The following ABHD2 variants were observed in gnomAD, a reference collection of about 807,000 sequenced individuals.
ABHD2 encodes monoacylglycerol lipase ABHD2.
In ABHD2, 20 loss-of-function variants were observed where a neutral mutation model predicts 48.1. That is an observed-to-expected ratio of 0.42 (90% CI 0.29 to 0.60). The LOEUF is 0.60. Among genes scored for constraint, ABHD2 ranks in the 20% least tolerant of loss-of-function variants. ABHD2 has a pLI of 0.24. For synonymous variants in ABHD2, 209 were observed against 214.2 expected, an observed-to-expected ratio of 0.98 and a Z score of 0.21; for missense variants, 405 against 550.9, an observed-to-expected ratio of 0.74 and a Z score of 2.65.
At chr15:89,126,014 A>T (rs28417912) in intron 3 of ABHD2, among the ~76,000 whole-genome samples, 5,545 of 152,282 alleles carry the variant, frequency 0.036, 339 homozygotes, top group African/African-American at 0.13. Context: ...CTCATCCTTT[A>T]TGTGCCGAGC....
chr15:89,096,510 A>C (rs778226576), intron 1 of ABHD2, among the ~76,000 whole-genome samples: 46 of 152,240 alleles, frequency 3.0e-4, no homozygotes, highest in Admixed American at 2.6e-4. Flanking sequence ...TGAGTTTGAA[A>C]GACCCCAGTG....
At position 89,151,728 on chromosome 15, in the gene ABHD2, G is replaced by C; in HGVS notation, c.246G>C (p.Leu82Phe). ...AAAGTGGACACATCCAGACAGCCTTGTATGGGAAGATGGGAAGGGTGAGGT... is the reference window on the plus strand; with the variant it reads ...AAAGTGGACACATCCAGACAGCCTTCTATGGGAAGATGGGAAGGGTGAGGT... ...WGKSGHIQTA[L>F]YGKMGRVRSP... Residue 82 changes from leucine (L) to phenylalanine (F), a missense_variant, in exon 4 of 11, where the codon TTG becomes TTC. Coordinates refer to ENST00000352732, the MANE Select transcript of ABHD2 (RefSeq NM_152924.5). This position sits in a 1 kb window ranked among gnomAD's most constrained non-coding sequence, Gnocchi z 4.7. The C allele has an allele frequency of 1.2e-6, 2 of 1,614,228 alleles. No homozygotes were observed. Among genetic ancestry groups the C allele is most frequent in the Non-Finnish European group, 1.7e-6 (2 of 1,180,038 alleles).
At chr15:89,183,577 G>T (rs1171471624) in intron 6 of ABHD2, among the ~76,000 whole-genome samples, 2 of 151,616 alleles carry the variant, frequency 1.3e-5, no homozygotes, top group African/African-American at 2.4e-5. Flanking sequence ...ATAAACAGTG[G>T]AATACTGGTC....
intron 5 of ABHD2, among the ~76,000 whole-genome samples, chr15:89,157,535 C>T (rs1371524158): frequency 6.6e-6 from 1 of 152,144 alleles, no homozygotes; most frequent in East Asian, 1.9e-4. Flanking sequence ...GCAGTTTGGT[C>T]AGTAGCTTGA....
At chr15:89,049,928 T>G in the ABHD2 span, among the ~76,000 whole-genome samples, 14 of 152,174 alleles carry the variant, frequency 9.2e-5, no homozygotes, top group South Asian at 2.1e-4. Flanking sequence ...TATTTTTCTC[T>G]TTTCTATTCC....
At chr15:89,161,879 T>C (rs1268325524) in intron 5 of ABHD2, among the ~76,000 whole-genome samples, 1 of 152,222 alleles carries the variant, frequency 6.6e-6, no homozygotes, top group Non-Finnish European at 1.5e-5. Flanking sequence ...TTCTCACCGT[T>C]CTGGGGCCTA....
intron 5 of ABHD2, among the ~76,000 whole-genome samples, chr15:89,162,058 G>A (rs1200849576): frequency 6.6e-6 from 1 of 151,862 alleles, no homozygotes; most frequent in Admixed American, 6.6e-5. Flanking sequence ...CCTGAATTAG[G>A]GCCCACCCTA....
chr15:89,133,834 ATTTTTTT>A (rs71464448), intron 3 of ABHD2, among the ~76,000 whole-genome samples: 4,399 of 123,796 alleles, frequency 0.036, 243 homozygotes, highest in African/African-American at 0.13. Context: ...GCCATGCATA[ATTTTTTT>A]TTTTTTTTTT....
rs77562565 is a variant in ABHD2 at position 89,163,332 on chromosome 15, A to T, written c.538+7798A>T. On this transcript the variant is annotated intron_variant, in intron 5 of 10. Coordinates refer to ENST00000352732, the MANE Select transcript of ABHD2 (RefSeq NM_152924.5). ...ACAGAATTTCCTAAATGGATAATTA[A>T]GCATTCTTGTGACTTAGAACCCTTC... 3.1e-3 allele frequency among the ~76,000 whole-genome samples: 474 copies of T among 152,364 alleles called. 2 individuals carry two copies. The highest frequency in any genetic ancestry group is 0.011 in the African/African-American group (449 of 41,592).
In ABHD2 at chr15:89,164,604, A is replaced by G. The variant is rs2050809901; in HGVS notation, c.538+9070A>G. On this transcript the variant is annotated intron_variant, in intron 5 of 10. Transcript: ENST00000352732. This position sits in a 1 kb window ranked among gnomAD's most constrained non-coding sequence, Gnocchi z 5.0. ...GAGTTTGAGACCAGCCTGATAGAAC[A>G]TGGTGAAACCTCATCTCTACTAAAA... 6.6e-6 allele frequency among the ~76,000 whole-genome samples: 1 copy of G among 152,104 alleles called. No individual in the cohort carries two copies. Among genetic ancestry groups the G allele is most frequent in the South Asian group, 2.1e-4 (1 of 4,834 alleles).
chr15:89,112,430 C>G (rs939237310), intron 1 of ABHD2, among the ~76,000 whole-genome samples: 3 of 152,190 alleles, frequency 2.0e-5, no homozygotes, highest in African/African-American at 7.2e-5. Flanking sequence ...GGCAGCCAAG[C>G]CTGTGGGGTC....
Position 89,151,780 on chromosome 15 carries a change from T to G in ABHD2, c.298T>G (p.Phe100Val). 1 of 1,614,214 alleles carries G rather than the reference T, an allele frequency of 6.2e-7. No homozygotes were observed. The highest frequency in any genetic ancestry group is 8.5e-7 in the Non-Finnish European group (1 of 1,180,030). ...GCCACATCCTTATGGGCACCGGAAG[T>G]TCATCACTATGTCTGATGGAGCCAC... ...RSPHPYGHRK[F>V]ITMSDGATST... The change falls in exon 4 of 11, where the codon TTC (phenylalanine) becomes GTC (valine). Residue 100 changes from phenylalanine to valine, a missense_variant. Coordinates refer to ENST00000352732, the MANE Select transcript of ABHD2 (RefSeq NM_152924.5). This position sits in a 1 kb window ranked among gnomAD's most constrained non-coding sequence, Gnocchi z 4.7.
chr15:89,145,905 C>T (rs2050483989), intron 3 of ABHD2, among the ~76,000 whole-genome samples: 1 of 152,180 alleles, frequency 6.6e-6, no homozygotes, highest in East Asian at 1.9e-4. Flanking sequence ...GTAGGCACCC[C>T]AGTGTCCTTC....
At chr15:89,047,093 T>G in the ABHD2 span, among the ~76,000 whole-genome samples, 1 of 151,748 alleles carries the variant, frequency 6.6e-6, no homozygotes. Flanking sequence ...TCTGGTATGT[T>G]GTGTCTTTGT....
intron 6 of ABHD2, among the ~76,000 whole-genome samples, chr15:89,181,456 C>T (rs1008810178): frequency 2.6e-5 from 4 of 151,976 alleles, no homozygotes; most frequent in Admixed American, 6.6e-5. Context: ...TTTTTAGTAT[C>T]GTCTACATCC....
At chr15:89,085,204 A>G (rs1434748240), upstream of ABHD2, among the ~76,000 whole-genome samples, 1 of 152,018 alleles carries the variant, frequency 6.6e-6, no homozygotes, top group Admixed American at 6.6e-5. This position sits in a 1 kb window ranked among gnomAD's most constrained non-coding sequence, Gnocchi z 4.2. Flanking sequence ...CCAGAAGGTG[A>G]CTGGGGCATA....
chr15:89,139,030 A>T (rs1350789786), intron 3 of ABHD2, among the ~76,000 whole-genome samples: 1 of 144,658 alleles, frequency 6.9e-6, no homozygotes, highest in African/African-American at 2.9e-5. Context: ...AGCCCTGGCG[A>T]CATAGCAAGA....
At chr15:89,101,299 A>T (rs1296716227) in intron 1 of ABHD2, among the ~76,000 whole-genome samples, 3 of 152,230 alleles carry the variant, frequency 2.0e-5, no homozygotes, top group Non-Finnish European at 4.4e-5. Context: ...TGGAAAGTGA[A>T]AACTCTCATT....
rs370107941 is a variant in ABHD2, at chr15:89,151,812, A to T, written c.330A>T (p.Thr110=). 2.2e-5 allele frequency: 35 copies of T among 1,614,056 alleles called. No homozygotes were observed. Among genetic ancestry groups the T allele is most frequent in the East Asian group, 1.3e-4 (6 of 44,892 alleles). The change falls in exon 4 of 11, where the codon ACA becomes ACT. Residue 110 remains threonine (T), a synonymous_variant. Coordinates refer to ENST00000352732, the MANE Select transcript of ABHD2 (RefSeq NM_152924.5). The surrounding 1 kb of genome is among the most constrained non-coding windows in gnomAD (Gnocchi z 4.7). The part of the protein sequence containing the change: ...FITMSDGATS[T]FDLFEPLAEH... Reference sequence around the variant, plus strand: ...CTATGTCTGATGGAGCCACTTCTACATTCGACCTCTTCGAGCCCTTGGCTG... The same window carrying T: ...CTATGTCTGATGGAGCCACTTCTACTTTCGACCTCTTCGAGCCCTTGGCTG...
Sources: allele counts gnomAD v4.1 joint callset (sites outside exome capture counted in the v4.1 genomes callset), GRCh38; gene constraint gnomAD v4.1.1; non-coding constraint Gnocchi (gnomAD v3.1); transcripts MANE v1.5; gene names NCBI Gene and HGNC (gene_info 2026-07-23, HGNC 2026-07-21).